The following HIPK2 variants were observed in gnomAD, a reference collection of about 807,000 sequenced individuals.
The protein encoded by HIPK2 is homeodomain-interacting protein kinase 2.
In HIPK2, 27 loss-of-function variants were observed where a neutral mutation model predicts 113.7. That is an observed-to-expected ratio of 0.24 (90% CI 0.17 to 0.33). The LOEUF (loss-of-function observed/expected upper bound fraction) is 0.33. Ranked by LOEUF, HIPK2 falls within the 10% of genes least tolerant of loss-of-function variation. The pLI, the probability that HIPK2 is intolerant of heterozygous loss-of-function variation, is 1.00. For synonymous variants in HIPK2, 631 were observed against 642.2 expected (o/e 0.98, Z 0.26); for missense variants, 1,257 against 1,588.0 (o/e 0.79, Z 3.54).
chr7:139,604,214 G>C lies in HIPK2; in HGVS notation c.2122C>G (p.Pro708Ala). The change falls in exon 10 of 15, where the codon CCA (proline) becomes GCA (alanine). Residue 708 changes from proline (P) to alanine (A), a missense_variant. Transcript: ENST00000406875. ...QPGLLAQQAW[P>A]SGTQQILLPP... ...AGCAGGATCTGCTGGGTCCCACTTG[G>C]CCAAGCCTGCTGTAGAACACAGGAC... 1 of 1,611,140 alleles carries C rather than the reference G, an allele frequency of 6.2e-7. No homozygotes were observed. Among genetic ancestry groups the C allele is most frequent in the Non-Finnish European group, 8.5e-7 (1 of 1,178,312 alleles).
intron 1 of HIPK2, among the ~76,000 whole-genome samples, chr7:139,769,845 T>C (rs1796617372): frequency 6.6e-6 from 1 of 152,192 alleles, no homozygotes; most frequent in Non-Finnish European, 1.5e-5. Context: ...CTGTAATACA[T>C]TAGAGAACCT....
intron 2 of HIPK2, among the ~76,000 whole-genome samples, chr7:139,698,293 C>T (rs1794618269): frequency 6.6e-6 from 1 of 152,176 alleles, no homozygotes; most frequent in African/African-American, 2.4e-5. Flanking sequence ...GTACATTTTT[C>T]CTTTTCGTGG....
At chr7:139,617,701 G>A (rs1446530801) in intron 7 of HIPK2, among the ~76,000 whole-genome samples, 1 of 152,196 alleles carries the variant, frequency 6.6e-6, no homozygotes, top group Non-Finnish European at 1.5e-5. Flanking sequence ...CAGCTTCCTT[G>A]AGACCTAAAA....
chr7:139,745,578 G>T (rs1796176375), intron 1 of HIPK2, among the ~76,000 whole-genome samples: 1 of 152,176 alleles, frequency 6.6e-6, no homozygotes, highest in African/African-American at 2.4e-5. Flanking sequence ...AACTTAAAAT[G>T]TCCCAAATGG....
At chr7:139,575,713 G>C (rs1281840495) in intron 13 of HIPK2, among the ~76,000 whole-genome samples, 1 of 152,208 alleles carries the variant, frequency 6.6e-6, no homozygotes, top group Non-Finnish European at 1.5e-5. Context: ...AAGTGTTTAG[G>C]GTGGGGCCAG....
At chr7:139,675,556 A>G (rs1190800679) in intron 2 of HIPK2, among the ~76,000 whole-genome samples, 1 of 152,218 alleles carries the variant, frequency 6.6e-6, no homozygotes, top group Non-Finnish European at 1.5e-5. Context: ...ACAAGAATGC[A>G]TGGTTCTGAC....
chr7:139,662,181 T>C (rs939083122), intron 2 of HIPK2, among the ~76,000 whole-genome samples: 2 of 152,224 alleles, frequency 1.3e-5, no homozygotes, highest in Admixed American at 6.5e-5. Context: ...TCCATGCTCT[T>C]TGAGTATAGT....
At chr7:139,622,011 T>C (rs185296673) in intron 6 of HIPK2, among the ~76,000 whole-genome samples, 166 of 151,664 alleles carry the variant, frequency 1.1e-3, no homozygotes, top group Non-Finnish European at 1.9e-4. Context: ...TTATAAAAAA[T>C]GTAATAACTG....
At chr7:139,740,106 G>A (rs1004857068) in intron 1 of HIPK2, among the ~76,000 whole-genome samples, 4 of 152,118 alleles carry the variant, frequency 2.6e-5, no homozygotes, top group African/African-American at 9.7e-5. Context: ...CCTGACACTT[G>A]TTTTCCAAAG....
At chr7:139,679,339 C>A (rs1403085053) in intron 2 of HIPK2, among the ~76,000 whole-genome samples, 2 of 152,120 alleles carry the variant, frequency 1.3e-5, no homozygotes, top group African/African-American at 4.8e-5. Flanking sequence ...AAGGCCCTAT[C>A]TTTTAATACT....
chr7:139,626,345 C>G (rs1032645995), intron 6 of HIPK2, among the ~76,000 whole-genome samples: 7 of 151,992 alleles, frequency 4.6e-5, no homozygotes, highest in Non-Finnish European at 1.5e-5. Context: ...TCAGGTGATC[C>G]ACCTGCCTGG....
intron 2 of HIPK2, among the ~76,000 whole-genome samples, chr7:139,658,479 G>T (rs1801751587): frequency 6.6e-6 from 1 of 152,214 alleles, no homozygotes; most frequent in African/African-American, 2.4e-5. Flanking sequence ...CAATTCCACT[G>T]AATTATTTTC....
At chr7:139,709,738 A>T (rs1163580744) in intron 2 of HIPK2, among the ~76,000 whole-genome samples, 1 of 152,184 alleles carries the variant, frequency 6.6e-6, no homozygotes, top group Admixed American at 6.5e-5. Flanking sequence ...CAGGGCTAGG[A>T]CTGGTGCTAA....
At chr7:139,715,777 G>T in intron 2 of HIPK2, 155 bp downstream of exon 2, 1 of 616,770 alleles carries the variant, frequency 1.6e-6, no homozygotes, top group Non-Finnish European at 2.0e-6. Context: ...ACATCGCAAT[G>T]TGCACATGTC....
chr7:139,664,078 C>G (rs1040707340), intron 2 of HIPK2, among the ~76,000 whole-genome samples: 1 of 152,264 alleles, frequency 6.6e-6, no homozygotes, highest in African/African-American at 2.4e-5. Context: ...CATCTCGCTT[C>G]AGCGTCCTCC....
chr7:139,644,178 T>A (rs1420906595), intron 2 of HIPK2, among the ~76,000 whole-genome samples: 8 of 152,242 alleles, frequency 5.3e-5, no homozygotes, highest in African/African-American at 1.7e-4. Context: ...TCTTTTTTTT[T>A]AATTATGAAA....
chr7:139,765,346 A>C (rs574966528), intron 1 of HIPK2, among the ~76,000 whole-genome samples: 7 of 152,298 alleles, frequency 4.6e-5, no homozygotes, highest in African/African-American at 1.7e-4. Flanking sequence ...TGCTGACAAG[A>C]CTAATAATAT....
intron 1 of HIPK2, among the ~76,000 whole-genome samples, chr7:139,723,430 G>A (rs1027592974): frequency 6.6e-5 from 10 of 152,082 alleles, no homozygotes; most frequent in African/African-American, 2.4e-4. Flanking sequence ...TTGACCTCAG[G>A]TGATCCACCT....
At chr7:139,741,104 G>A (rs1476350850) in intron 1 of HIPK2, among the ~76,000 whole-genome samples, 2 of 152,132 alleles carry the variant, frequency 1.3e-5, no homozygotes, top group Non-Finnish European at 2.9e-5. Flanking sequence ...CTGAGATCGC[G>A]CCACTGCACT....
Sources: allele counts gnomAD v4.1 joint callset (sites outside exome capture counted in the v4.1 genomes callset), GRCh38; gene constraint gnomAD v4.1.1; transcripts MANE v1.5; gene names NCBI Gene and HGNC (gene_info 2026-07-23, HGNC 2026-07-21).